Variants in PABIR2 observed in about 807,000 individuals in gnomAD.
The protein encoded by PABIR2 is PABIR family member 2, also known as family with sequence similarity 122B.
PABIR2 carries 7 observed loss-of-function variants against 22.8 expected under a neutral mutation model. The observed-to-expected ratio is 0.31, with a 90% confidence interval of 0.17 to 0.58. The LOEUF (loss-of-function observed/expected upper bound fraction) is 0.58. PABIR2 is among the 20% of genes least tolerant of loss of function. The probability of loss-of-function intolerance (pLI) is 0.89; values close to 1 mark genes in which losing one functional copy is unlikely to be tolerated. For synonymous variants in PABIR2, 67 were observed against 73.8 expected (o/e 0.91, Z 0.47); for missense variants, 155 against 205.1 (o/e 0.76, Z 1.49).
chrX:134,784,777 G>A (rs949175489), intron 8 of PABIR2, among the ~76,000 whole-genome samples: 5 of 111,409 alleles, frequency 4.5e-5, no homozygotes, highest in African/African-American at 6.5e-5. Flanking sequence ...CCTTTTTAAA[G>A]AGATGCCATC....
At position 134,771,342 on chromosome X, in the gene PABIR2, T is replaced by C; in HGVS notation, c.*797A>G. ...TGGTCAAGGCAGGAATTTCTTCTCC[T>C]TGATAACACCACCTAGAAATATCAA... On this transcript the variant is annotated 3_prime_UTR_variant, in exon 10 of 10. Transcript: ENST00000343004. 1 of 1,153,740 alleles carries C rather than the reference T, an allele frequency of 8.7e-7. No homozygotes were observed. The highest frequency in any genetic ancestry group is 1.1e-6 in the Non-Finnish European group (1 of 871,323).
chrX:134,778,350 C>T (rs1386109562), intron 9 of PABIR2, among the ~76,000 whole-genome samples: 1 of 103,283 alleles, frequency 9.7e-6, no homozygotes, highest in Non-Finnish European at 2.0e-5. Context: ...AAAAAAAATA[C>T]AAAATTAGCC....
chrX:134,787,796 A>ATTT (rs1176576789), intron 6 of PABIR2, among the ~76,000 whole-genome samples: 3 of 91,995 alleles, frequency 3.3e-5, no homozygotes, highest in African/African-American at 1.2e-4. Context: ...TTTTGTATCT[A>ATTT]TTTTTTTTTT....
In PABIR2 at chrX:134,771,643, A is replaced by G. The variant is rs1286983179; in HGVS notation, c.*496T>C. 22 of 815,834 alleles carry G rather than the reference A, an allele frequency of 2.7e-5. No individual in the cohort carries two copies. Among genetic ancestry groups the G allele is most frequent in the Non-Finnish European group, 3.3e-5 (22 of 676,862 alleles). The allele number at this position is 815,834 out of a possible 1,213,427, so 67.2% of individuals were successfully genotyped here. A position where few individuals can be genotyped will look rare whatever the true frequency, so the allele number is the denominator to read the frequency against. ...ATAATGTACTTGAAGCTGATGCAGA[A>G]AAATAAAAATTTAATATAATTAAAA... On this transcript the variant is annotated 3_prime_UTR_variant, in exon 10 of 10. Transcript: ENST00000343004.
Position 134,771,482 on chromosome X carries a change from A to T in PABIR2, c.*657T>A. The T allele has an allele frequency of 1.9e-6, 2 of 1,050,534 alleles. No homozygotes were observed. The highest frequency in any genetic ancestry group is 2.4e-6 in the Non-Finnish European group (2 of 822,536). The allele number at this position is 1,050,534 out of a possible 1,213,427, so 86.6% of individuals were successfully genotyped here. A position where few individuals can be genotyped will look rare whatever the true frequency, so the allele number is the denominator to read the frequency against. The stretch of plus-strand genomic sequence containing the variant: ...CCAAGCATCCTGTAAGTCCGTTTAC[A>T]TTCTCAGCACTAAAATCAATGCTCA... On this transcript the variant is annotated 3_prime_UTR_variant, in exon 10 of 10. Transcript: ENST00000343004.
intron 5 of PABIR2, 26 bp downstream of exon 5, chrX:134,789,059 A>G: frequency 8.3e-7 from 1 of 1,210,877 alleles, no homozygotes; most frequent in Non-Finnish European, 1.1e-6. Flanking sequence ...GAAAATGAAA[A>G]CCAAACAGAC....
At chrX:134,791,217 A>T (rs1234885894) in intron 2 of PABIR2, among the ~76,000 whole-genome samples, 1 of 111,292 alleles carries the variant, frequency 9.0e-6, no homozygotes, top group African/African-American at 3.3e-5. Context: ...AAAAGAAAAG[A>T]AAAAGCCAGA....
At position 134,771,696 on chromosome X, in the gene PABIR2, G is replaced by C; in HGVS notation, c.*443C>G. 1.3e-6 allele frequency: 1 copy of C among 787,690 alleles called. No individual in the cohort carries two copies. The highest frequency in any genetic ancestry group is 1.5e-6 in the Non-Finnish European group (1 of 659,813). The allele number at this position is 787,690 out of a possible 1,213,427, so 64.9% of individuals were successfully genotyped here. A position where few individuals can be genotyped will look rare whatever the true frequency, so the allele number is the denominator to read the frequency against. On this transcript the variant is annotated 3_prime_UTR_variant, in exon 10 of 10. Transcript: ENST00000343004. ...AATTTATATATCATCATGAAATAAA[G>C]AGAGATTTGAAACTATGTAGTCAAC...
At chrX:134,779,758 A>C (rs1374205661) in intron 9 of PABIR2, among the ~76,000 whole-genome samples, 1 of 112,875 alleles carries the variant, frequency 8.9e-6, no homozygotes, top group Non-Finnish European at 1.9e-5. Flanking sequence ...AAATGCTGTC[A>C]TATCTTTTAC....
intron 9 of PABIR2, among the ~76,000 whole-genome samples, chrX:134,776,302 C>T (rs184649030): frequency 5.5e-4 from 62 of 111,719 alleles, no homozygotes; most frequent in South Asian, 1.9e-3. Context: ...CACTGAAGCA[C>T]GGGGTAAGGA....
At chrX:134,776,760 T>C (rs180758781) in intron 9 of PABIR2, among the ~76,000 whole-genome samples, 1 of 112,456 alleles carries the variant, frequency 8.9e-6, no homozygotes, top group East Asian at 2.8e-4. Flanking sequence ...ACATAAACTT[T>C]AATCTAAAGG....
chrX:134,789,430 C>T (rs183398623), intron 3 of PABIR2, 150 bp downstream of exon 3: 82 of 828,443 alleles, frequency 9.9e-5, no homozygotes, highest in Non-Finnish European at 1.4e-4. Context: ...ATTCATGCCG[C>T]TTGTATATTT....
intron 8 of PABIR2, among the ~76,000 whole-genome samples, chrX:134,783,890 T>C (rs1464676933): frequency 2.8e-5 from 3 of 109,090 alleles, no homozygotes; most frequent in Non-Finnish European, 3.8e-5. Flanking sequence ...GTTGCCAACA[T>C]GGCGAAACCC....
intron 6 of PABIR2, among the ~76,000 whole-genome samples, chrX:134,788,469 T>G (rs930831078): frequency 1.9e-5 from 2 of 106,799 alleles, no homozygotes; most frequent in Admixed American, 2.1e-4. Context: ...TATATATGTG[T>G]TATATATACG....
intron 9 of PABIR2, among the ~76,000 whole-genome samples, chrX:134,773,826 T>A (rs1365180651): frequency 8.9e-6 from 1 of 111,852 alleles, no homozygotes; most frequent in African/African-American, 3.3e-5. Context: ...TTTAATATTA[T>A]CATTTATCTG....
At chrX:134,785,694 G>A (rs779289768) in intron 8 of PABIR2, among the ~76,000 whole-genome samples, 192 bp downstream of exon 8, 93 of 111,757 alleles carry the variant, frequency 8.3e-4, no homozygotes, top group African/African-American at 3.0e-3. Context: ...CACCTGCCTC[G>A]GCCTCCGAAA....
chrX:134,796,007 G>T, intron 1 of PABIR2, 101 bp downstream of exon 1: 1 of 809,192 alleles, frequency 1.2e-6, no homozygotes. Flanking sequence ...AGGTTGAAGA[G>T]CCCAAATGAG....
intron 6 of PABIR2, among the ~76,000 whole-genome samples, chrX:134,788,124 C>CACGTTATATATGTGTAATATAT (rs1359876839): frequency 4.1e-4 from 39 of 95,368 alleles, no homozygotes; most frequent in African/African-American, 1.2e-3. Flanking sequence ...GTAATATATA[C>CACGTTATATATGTGTAATATAT]ACGTTATATA....
intron 7 of PABIR2, 142 bp from the exon 8 acceptor site, chrX:134,786,092 T>A: frequency 3.8e-6 from 2 of 523,863 alleles, no homozygotes; most frequent in Non-Finnish European, 6.4e-6. Flanking sequence ...ATTGAGTAAC[T>A]GAAATCCAAT....
Sources: gnomAD v4.1 joint callset for allele counts (sites outside exome capture counted in the v4.1 genomes callset) on GRCh38, gnomAD v4.1.1 for gene constraint, MANE v1.5 for transcripts, NCBI Gene and HGNC (gene_info 2026-07-23, HGNC 2026-07-21) for gene names.